MACROD2: variants seen among roughly 807,000 people sequenced by gnomAD.
The protein encoded by MACROD2 is mono-ADP ribosylhydrolase 2.
A neutral mutation model predicts 70.4 loss-of-function variants in MACROD2; 36 were observed. That is an observed-to-expected ratio of 0.51 (90% CI 0.39 to 0.68). The LOEUF is 0.68. Among genes scored for constraint, MACROD2 ranks in the 30% least tolerant of loss-of-function variants. The probability of loss-of-function intolerance (pLI) is 0.00; values close to 1 mark genes in which losing one functional copy is unlikely to be tolerated. For missense variants in MACROD2, 496 were observed against 538.4 expected (o/e 0.92, Z 0.78); for synonymous variants, 172 against 178.8 (o/e 0.96, Z 0.30).
At chr20:14,465,738 A>C (rs1391656149) in intron 3 of MACROD2, among the ~76,000 whole-genome samples, 2 of 152,106 alleles carry the variant, frequency 1.3e-5, no homozygotes, top group Non-Finnish European at 2.9e-5. Flanking sequence ...AGTGGTGACA[A>C]AATCTCTCAG....
At chr20:14,120,176 G>A (rs1297762250) in intron 3 of MACROD2, among the ~76,000 whole-genome samples, 1 of 126,020 alleles carries the variant, frequency 7.9e-6, no homozygotes, top group Admixed American at 1.0e-4. Flanking sequence ...TCATGCCACT[G>A]CACTCTAGCC....
intron 12 of MACROD2, among the ~76,000 whole-genome samples, chr20:15,948,463 C>T (rs1288166396): frequency 6.8e-6 from 1 of 148,028 alleles, no homozygotes; most frequent in African/African-American, 2.5e-5. Flanking sequence ...AATATTATAG[C>T]CACTTTCCCA....
intron 5 of MACROD2, among the ~76,000 whole-genome samples, chr20:14,713,757 CT>C (rs1406683086): frequency 6.6e-6 from 1 of 152,080 alleles, no homozygotes; most frequent in Non-Finnish European, 1.5e-5. Context: ...CTGTGAAAAG[CT>C]AAAAAAATTA....
chr20:15,040,942 T>G (rs944393443), intron 5 of MACROD2, among the ~76,000 whole-genome samples: 1 of 152,224 alleles, frequency 6.6e-6, no homozygotes, highest in Non-Finnish European at 1.5e-5. Context: ...TCCAGAAGTA[T>G]TAATGATTGA....
intron 4 of MACROD2, among the ~76,000 whole-genome samples, chr20:14,588,633 G>A (rs1316532059): frequency 6.6e-6 from 1 of 151,928 alleles, no homozygotes; most frequent in East Asian, 1.9e-4. Flanking sequence ...TCAGCCTCCC[G>A]AGTAGCTGGG....
intron 5 of MACROD2, among the ~76,000 whole-genome samples, chr20:15,228,947 C>T: frequency 6.6e-6 from 1 of 152,116 alleles, no homozygotes. Context: ...TTATAATACT[C>T]CAATTACATT....
intron 3 of MACROD2, among the ~76,000 whole-genome samples, chr20:14,488,673 A>G (rs1011506144): frequency 2.0e-5 from 3 of 152,200 alleles, no homozygotes; most frequent in African/African-American, 7.2e-5. Context: ...GACATATTGT[A>G]TGGTGGGTTC....
At chr20:14,027,319 C>A (rs4405821) in intron 2 of MACROD2, among the ~76,000 whole-genome samples, 86,036 of 151,748 alleles carry the variant, frequency 0.57, 25,039 homozygotes, top group Non-Finnish European at 0.63. Flanking sequence ...CAGGTCATTT[C>A]TGTTTTTCTC....
Position 15,275,349 on chromosome 20 carries a change from A to G in MACROD2, c.540+45288A>G, listed in dbSNP as rs2077381513. On this transcript the variant is annotated intron_variant, in intron 6 of 17. Coordinates refer to ENST00000684519, the MANE Select transcript of MACROD2 (RefSeq NM_001351661.2). ...TGTAGCCATAGTTTTCATCCTAACAACAATGGGGAGTCCTTTGAAGATTTT... is the reference window on the plus strand; with the variant it reads ...TGTAGCCATAGTTTTCATCCTAACAGCAATGGGGAGTCCTTTGAAGATTTT... Among the ~76,000 whole-genome samples, 4 of 152,308 alleles carry G rather than the reference A, an allele frequency of 2.6e-5. 1 individual carries two copies. In the South Asian group the frequency reaches 8.3e-4, roughly 32 times the overall value.
intron 2 of MACROD2, among the ~76,000 whole-genome samples, chr20:14,068,598 TC>T (rs1483778177): frequency 6.6e-6 from 1 of 152,092 alleles, no homozygotes; most frequent in Non-Finnish European, 1.5e-5. Flanking sequence ...AGTAGAGACA[TC>T]CAGGCTGTTT....
intron 5 of MACROD2, among the ~76,000 whole-genome samples, chr20:14,865,368 G>C (rs2180475): frequency 0.16 from 24,888 of 151,764 alleles, 2,223 homozygotes; most frequent in Non-Finnish European, 0.2. Flanking sequence ...GTAATCCCTA[G>C]GTTGACTCAC....
intron 3 of MACROD2, among the ~76,000 whole-genome samples, chr20:14,251,230 T>G (rs2082010047): frequency 6.6e-6 from 1 of 152,154 alleles, no homozygotes. Context: ...TACTTTTTTC[T>G]GTTTTCTAAT....
intron 5 of MACROD2, among the ~76,000 whole-genome samples, chr20:15,031,324 G>A (rs960337739): frequency 9.2e-5 from 14 of 152,186 alleles, no homozygotes; most frequent in African/African-American, 3.4e-4. Context: ...CCCGTCGCTG[G>A]CAATGTGGCA....
chr20:14,398,378 G>A lies in MACROD2; in HGVS notation c.272-95101G>A, dbSNP rs371676497. Among the ~76,000 whole-genome samples, 8 of 148,296 alleles carry A rather than the reference G, an allele frequency of 5.4e-5. No individual in the cohort carries two copies. In the East Asian group the frequency reaches 1.2e-3, roughly 22 times the overall value. ...TACATCCCACCAACAGTGTGTAGGAGTTCTCCTTTCTCCACATCCTTGCCA... is the reference window on the plus strand; with the variant it reads ...TACATCCCACCAACAGTGTGTAGGAATTCTCCTTTCTCCACATCCTTGCCA... On this transcript the variant is annotated intron_variant, in intron 3 of 17. Coordinates refer to ENST00000684519, the MANE Select transcript of MACROD2 (RefSeq NM_001351661.2).
intron 8 of MACROD2, among the ~76,000 whole-genome samples, chr20:15,815,138 C>A (rs927926747): frequency 6.6e-6 from 1 of 152,156 alleles, no homozygotes; most frequent in African/African-American, 2.4e-5. Context: ...AAGGATTTGG[C>A]TTCAAGTGCT....
chr20:15,506,285 A>G (rs768713803), intron 8 of MACROD2, among the ~76,000 whole-genome samples: 3 of 152,226 alleles, frequency 2.0e-5, no homozygotes, highest in Non-Finnish European at 4.4e-5. Flanking sequence ...ATTCAGGCAC[A>G]TGATTCACAA....
chr20:15,895,802 C>T lies in MACROD2; in HGVS notation c.775+9991C>T, dbSNP rs1232064501. Among the ~76,000 whole-genome samples, 9 of 152,202 alleles carry T rather than the reference C, an allele frequency of 5.9e-5. No homozygotes were observed. In the South Asian group the frequency reaches 1.0e-3, roughly 17 times the overall value. ...TCCCTGTAGATAAGGAATCAATCTCCGGGTTGCCACTCCTGGATTCTAGTT... is the reference window on the plus strand; with the variant it reads ...TCCCTGTAGATAAGGAATCAATCTCTGGGTTGCCACTCCTGGATTCTAGTT... On this transcript the variant is annotated intron_variant, in intron 10 of 17. Transcript: ENST00000684519.
At chr20:14,669,738 G>A (rs568919766) in intron 4 of MACROD2, among the ~76,000 whole-genome samples, 5 of 152,076 alleles carry the variant, frequency 3.3e-5, no homozygotes, top group East Asian at 1.9e-4. Context: ...AAGTTGGTTC[G>A]TTTCTTATTT....
chr20:14,504,400 G>GTAT (rs2084947526), intron 4 of MACROD2, among the ~76,000 whole-genome samples: 1 of 152,198 alleles, frequency 6.6e-6, no homozygotes, highest in African/African-American at 2.4e-5. Flanking sequence ...GGCAGACCCA[G>GTAT]TATTTAAGCA....
Sources: allele counts gnomAD v4.1 joint callset (sites outside exome capture counted in the v4.1 genomes callset), GRCh38; gene constraint gnomAD v4.1.1; transcripts MANE v1.5; gene names NCBI Gene and HGNC (gene_info 2026-07-23, HGNC 2026-07-21).